Variants in CATSPER2 observed in about 807,000 individuals in gnomAD.
The protein encoded by CATSPER2 is cation channel sperm-associated protein 2.
A neutral mutation model predicts 68.8 loss-of-function variants in CATSPER2; 56 were observed. The observed-to-expected ratio is 0.81, with a 90% CI of 0.66 to 1.02. CATSPER2 has a LOEUF of 1.02. Among genes scored for constraint, CATSPER2 ranks in the 50% least tolerant of loss-of-function variants. CATSPER2 has a pLI of 0.00. For missense variants in CATSPER2, 582 were observed against 642.0 expected (o/e 0.91, Z 1.01); for synonymous variants, 198 against 229.9 (o/e 0.86, Z 1.26).
intron 2 of CATSPER2, 113 bp from the exon 3 acceptor site, chr15:43,647,580 G>T (rs1396659107): frequency 1.0e-6 from 1 of 983,816 alleles, no homozygotes; most frequent in East Asian, 2.4e-5. Context: ...CTTACTGCTA[G>T]TCCTTCTCTT....
At chr15:43,630,886 T>C (rs998207569) in intron 12 of CATSPER2, among the ~76,000 whole-genome samples, 154 bp from the exon 13 acceptor site, 2 of 151,564 alleles carry the variant, frequency 1.3e-5, no homozygotes, top group African/African-American at 4.9e-5. Flanking sequence ...CTCTTTGCCA[T>C]AGACAAGTTT....
rs754997082 is a variant in CATSPER2, at chr15:43,636,071, T to C, written c.991A>G (p.Ile331Val). Reference protein sequence around the residue: ...FILWLLLGSIIFRSIIVAMMV... With the variant: ...FILWLLLGSIVFRSIIVAMMV... Reference sequence around the variant, plus strand: ...ATGGCTACTATGATACTTCGAAAGATAATGGAGCCAAGCAACAACCAAAGG... The same window carrying C: ...ATGGCTACTATGATACTTCGAAAGACAATGGAGCCAAGCAACAACCAAAGG... Residue 331 changes from isoleucine (I) to valine (V), a missense_variant, in exon 8 of 13, where the codon ATC becomes GTC. By Grantham distance (29) the Ile-to-Val change is conservative (BLOSUM62 3). Coordinates refer to ENST00000396879, the MANE Select transcript of CATSPER2 (RefSeq NM_172095.4). 3.3e-5 allele frequency: 52 copies of C among 1,587,520 alleles called. No homozygotes were observed. The highest frequency in any genetic ancestry group is 4.3e-5 in the Non-Finnish European group (50 of 1,158,644).
chr15:43,647,204 A>G (rs1236936090), intron 3 of CATSPER2, 86 bp from the exon 4 acceptor site: 13 of 1,570,618 alleles, frequency 8.3e-6, no homozygotes, highest in African/African-American at 5.4e-5. Flanking sequence ...TAAGCAGTGA[A>G]AATGAGACAG....
intron 2 of CATSPER2, 131 bp from the exon 3 acceptor site, chr15:43,647,598 C>A (rs1465691426): frequency 4.5e-6 from 4 of 879,792 alleles, no homozygotes; most frequent in Admixed American, 1.8e-5. Flanking sequence ...CTTCTCACAG[C>A]AACTAAGAAT....
At position 43,648,773 on chromosome 15, in the gene CATSPER2, A is replaced by C. The variant is rs769489427; in HGVS notation, c.-147T>G. The C allele has an allele frequency of 1.3e-6, 2 of 1,521,370 alleles. No individual in the cohort carries two copies. The highest frequency in any genetic ancestry group is 2.8e-5 in the African/African-American group (2 of 70,542). 94.2% of individuals were successfully genotyped at this position (1,521,370 alleles called of 1,614,324 possible). ...TGCGCCCCATTCCCCGCCCCGCTCG[A>C]CCCCCAGGTTTCGGCTCACCCCGGG... On this transcript the variant is annotated 5_prime_UTR_variant, in exon 1 of 13. Transcript: ENST00000396879.
intron 1 of CATSPER2, 146 bp from the exon 2 acceptor site, chr15:43,648,209 G>A (rs1386222401): frequency 2.0e-6 from 2 of 978,332 alleles, no homozygotes; most frequent in Non-Finnish European, 3.3e-6. Flanking sequence ...CAGTTGGGAA[G>A]AACAAACATT....
rs762644660 is a variant in CATSPER2 at position 43,635,722 on chromosome 15, C to T, written c.1121+5G>A. 2.0e-5 allele frequency: 32 copies of T among 1,611,408 alleles called. 1 individual carries two copies. Among genetic ancestry groups the T allele is most frequent in the Admixed American group, 5.0e-5 (3 of 59,918 alleles). ...AAAGTTGGGGTTGAAAAGGGAGAAG[C>T]AGACCTCTGGATGATCTGCCGCTTG... is the stretch of plus-strand genomic sequence containing the variant. On this transcript the variant is annotated splice_donor_5th_base_variant and intron_variant, in intron 9 of 12. Coordinates refer to ENST00000396879, the MANE Select transcript of CATSPER2 (RefSeq NM_172095.4).
chr15:43,640,502 A>G lies in CATSPER2; in HGVS notation c.389-6T>C. On this transcript the variant is annotated splice_polypyrimidine_tract_variant and splice_region_variant and intron_variant, in intron 4 of 12. Coordinates refer to ENST00000396879, the MANE Select transcript of CATSPER2 (RefSeq NM_172095.4). ...ATTTGTGGATTCCAGCAATTCTGTG[A>G]AGATAGAGCAAAGGAGGAATAAAAG... The G allele has an allele frequency of 6.2e-7, 1 of 1,613,116 alleles. No individual in the cohort carries two copies. The highest frequency in any genetic ancestry group is 8.5e-7 in the Non-Finnish European group (1 of 1,179,384).
intron 5 of CATSPER2, 73 bp from the exon 6 acceptor site, chr15:43,639,871 T>C (rs1367420546): frequency 1.9e-6 from 3 of 1,605,284 alleles, no homozygotes; most frequent in Non-Finnish European, 2.6e-6. Context: ...TTCTTCATCT[T>C]ATCCTCTTCA....
intron 10 of CATSPER2, chr15:43,635,014 C>G (rs1268468607): frequency 3.0e-6 from 1 of 334,312 alleles, no homozygotes; most frequent in Non-Finnish European, 5.9e-6. Context: ...TAGCCCCAAC[C>G]TCTATCTCCG....
chr15:43,647,004 G>A (rs748005602), intron 4 of CATSPER2, 46 bp downstream of exon 4: 28 of 1,519,006 alleles, frequency 1.8e-5, no homozygotes, highest in African/African-American at 6.9e-5. Context: ...CGTGTGAGCC[G>A]GCGTGCCCGG....
In CATSPER2 at chr15:43,630,481, A is replaced by T; in HGVS notation, c.*220T>A. 1.0e-6 allele frequency: 1 copy of T among 958,698 alleles called. No homozygotes were observed. The highest frequency in any genetic ancestry group is 1.5e-6 in the Non-Finnish European group (1 of 663,716). The allele number at this position is 958,698 out of a possible 1,614,324, so 59.4% of individuals were successfully genotyped here. A position where few individuals can be genotyped will look rare whatever the true frequency, so the allele number is the denominator to read the frequency against. On this transcript the variant is annotated 3_prime_UTR_variant, in exon 13 of 13. Coordinates refer to ENST00000396879, the MANE Select transcript of CATSPER2 (RefSeq NM_172095.4). ...GTGATTCTCCTGCCTCAGGCTCCCA[A>T]GTAGCTATGATTACAAGCATCTGCC...
chr15:43,639,646 G>C lies in CATSPER2; in HGVS notation c.714C>G (p.Leu238=). The stretch of plus-strand genomic sequence containing the variant: ...TAGCTTGCAACAGTCAAATCACCTT[G>C]AGGGCCCTGACCAGGACCAAAATAA... ...QIIILVLVRA[L]KSMTFLLMLL... The change falls in exon 6 of 13, where the codon CTC becomes CTG. Residue 238 remains leucine (L), a synonymous_variant. Coordinates refer to ENST00000396879, the MANE Select transcript of CATSPER2 (RefSeq NM_172095.4). The C allele has an allele frequency of 6.2e-7, 1 of 1,612,740 alleles. No homozygotes were observed.
chr15:43,635,630 G>T, intron 9 of CATSPER2, 97 bp downstream of exon 9: 2 of 1,198,760 alleles, frequency 1.7e-6, no homozygotes, highest in Non-Finnish European at 2.4e-6. Context: ...CAAATCTACT[G>T]TCACAAAGGG....
Position 43,632,872 on chromosome 15 carries a change from G to C in CATSPER2, c.1241C>G (p.Ser414Cys). The change falls in exon 11 of 13, where the codon TCT (serine) becomes TGT (cysteine). Residue 414 changes from serine (S) to cysteine (C), a missense_variant. By Grantham distance (112) the Ser-to-Cys change is moderately radical (BLOSUM62 -1). This residue lies in a region of CATSPER2 where 235 missense variants were observed against 264.2 expected (regional missense o/e 0.89). Transcript: ENST00000396879. ...LDLSEVSEVESNYGATEEDLI... is the reference protein window; with the variant it reads ...LDLSEVSEVECNYGATEEDLI... Reference sequence around the variant, plus strand: ...ATCCTCTTCAGTGGCACCATAATTAGACTCTACTTCAGACACTTCTGATAA... The same window carrying C: ...ATCCTCTTCAGTGGCACCATAATTACACTCTACTTCAGACACTTCTGATAA... 6.2e-7 allele frequency: 1 copy of C among 1,611,704 alleles called. No individual in the cohort carries two copies. Among genetic ancestry groups the C allele is most frequent in the Admixed American group, 1.7e-5 (1 of 59,962 alleles).
rs199764872 is a variant in CATSPER2 at position 43,639,731 on chromosome 15, C to T, written c.629G>A (p.Arg210Lys). Residue 210 changes from arginine to lysine, a missense_variant, in exon 6 of 13, where the codon AGG becomes AAG. Arg to Lys is a conservative substitution (Grantham distance 26). Coordinates refer to ENST00000396879, the MANE Select transcript of CATSPER2 (RefSeq NM_172095.4). ...GAGAGACCTCAGCACCCGGCAGATCCTCAGAAGCTGAAGCCACACCGATTG... is the reference window on the plus strand; with the variant it reads ...GAGAGACCTCAGCACCCGGCAGATCTTCAGAAGCTGAAGCCACACCGATTG... ...TGQSVWLQLL[R>K]ICRVLRSLKL... 128 of 1,612,816 alleles carry T rather than the reference C, an allele frequency of 7.9e-5. 1 individual carries two copies. The highest frequency in any genetic ancestry group is 9.9e-5 in the Non-Finnish European group (117 of 1,179,448).
chr15:43,632,952 T>C lies in CATSPER2; in HGVS notation c.1179-18A>G. ...CTCTTGAACTTAAAGAAGAAATTTA[T>C]GGCTTCACAAACATTTACAAGATAT... On this transcript the variant is annotated intron_variant, in intron 10 of 12. Coordinates refer to ENST00000396879, the MANE Select transcript of CATSPER2 (RefSeq NM_172095.4). 9 of 1,574,332 alleles carry C rather than the reference T, an allele frequency of 5.7e-6. No homozygotes were observed. The highest frequency in any genetic ancestry group is 7.8e-6 in the Non-Finnish European group (9 of 1,148,098).
In CATSPER2 at chr15:43,630,552, TCAC is replaced by T. The variant is rs1458116342; in HGVS notation, c.*146_*148del. 1.4e-5 allele frequency: 22 copies of T among 1,533,994 alleles called. No homozygotes were observed. In the Admixed American group the frequency reaches 4.1e-4, roughly 29 times the overall value. On this transcript the variant is annotated 3_prime_UTR_variant, in exon 13 of 13. Coordinates refer to ENST00000396879, the MANE Select transcript of CATSPER2 (RefSeq NM_172095.4). ...TTGTATTTTTAGTAGAGACAGGGTT[TCAC>T]CACGCCTGGCCTAGACACTTATACT...
chr15:43,639,090 C>T, intron 6 of CATSPER2, 62 bp from the exon 7 acceptor site: 1 of 1,593,120 alleles, frequency 6.3e-7, no homozygotes, highest in East Asian at 2.3e-5. Context: ...ACCAACAGCC[C>T]AGTCAAGCTC....
Sources: gnomAD v4.1 joint callset for allele counts (sites outside exome capture counted in the v4.1 genomes callset) on GRCh38, gnomAD v4.1.1 for gene constraint, gnomAD v4.1.1 regional missense constraint, MANE v1.5 for transcripts, NCBI Gene and HGNC (gene_info 2026-07-23, HGNC 2026-07-21) for gene names.